PCNX2: variants seen among roughly 807,000 people sequenced by gnomAD.
The protein encoded by PCNX2 is pecanex 2.
A neutral mutation model predicts 223.8 loss-of-function variants in PCNX2; 168 were observed. The observed-to-expected ratio is 0.75, with a 90% CI of 0.66 to 0.85. PCNX2 has a LOEUF of 0.85. Among genes scored for constraint, PCNX2 ranks in the 40% least tolerant of loss-of-function variants. The pLI, the probability that PCNX2 is intolerant of heterozygous loss-of-function variation, is 0.00. For synonymous variants in PCNX2, 1,006 were observed against 1,052.6 expected, an observed-to-expected ratio of 0.96 and a Z score of 0.86; for missense variants, 2,507 against 2,675.5, an observed-to-expected ratio of 0.94 and a Z score of 1.39.
intron 21 of PCNX2, among the ~76,000 whole-genome samples, chr1:233,101,458 GA>G (rs1674481798): frequency 6.6e-6 from 1 of 152,180 alleles, no homozygotes; most frequent in Admixed American, 6.5e-5. Context: ...CTCATTACAA[GA>G]GTGACTCTCA....
At chr1:233,264,535 G>A (rs906745991) in intron 1 of PCNX2, among the ~76,000 whole-genome samples, 3 of 151,914 alleles carry the variant, frequency 2.0e-5, no homozygotes, top group African/African-American at 7.2e-5. Flanking sequence ...AAAGAAAGAG[G>A]AAGATGATCA....
intron 15 of PCNX2, among the ~76,000 whole-genome samples, chr1:233,185,445 T>C (rs1206127149): frequency 6.6e-6 from 1 of 151,994 alleles, no homozygotes; most frequent in Non-Finnish European, 1.5e-5. Context: ...CTGTGAAAAA[T>C]ATGTAGACAT....
the PCNX2 span, among the ~76,000 whole-genome samples, chr1:233,320,880 T>C: frequency 3.5e-4 from 53 of 152,182 alleles, no homozygotes; most frequent in African/African-American, 1.2e-3. Flanking sequence ...GTTGAGCTCA[T>C]ATTAGCAGCT....
At chr1:233,122,867 T>C (rs561909674) in intron 21 of PCNX2, among the ~76,000 whole-genome samples, 3 of 152,290 alleles carry the variant, frequency 2.0e-5, no homozygotes, top group Admixed American at 2.0e-4. Context: ...TTGACCTACA[T>C]GGTCTTCCTC....
Position 233,037,314 on chromosome 1 carries a change from C to G in PCNX2, c.4352-11915G>C, listed in dbSNP as rs369119586. ...TTTCCAGTCCTTCAGCAACACTGGA[C>G]CTGTGTGTCTTTTTTATTTTATTTT... On this transcript the variant is annotated intron_variant, in intron 25 of 33. Coordinates refer to ENST00000258229, the MANE Select transcript of PCNX2 (RefSeq NM_014801.4). Among the ~76,000 whole-genome samples, 4 of 151,998 alleles carry G rather than the reference C, an allele frequency of 2.6e-5. No individual in the cohort carries two copies. In the East Asian group the frequency reaches 7.7e-4, roughly 29 times the overall value.
Position 233,240,907 on chromosome 1 carries a change from G to A in PCNX2, c.2223-3927C>T, listed in dbSNP as rs138480407. On this transcript the variant is annotated intron_variant, in intron 8 of 33. Coordinates refer to ENST00000258229, the MANE Select transcript of PCNX2 (RefSeq NM_014801.4). ...TCTTCTACACTGTCTCACTGATATT[G>A]GAAAAACATTTCTTGAAATTCTTCA... Among the ~76,000 whole-genome samples the A allele has an allele frequency of 2.0e-3, 302 of 152,230 alleles. 1 individual carries two copies. The highest frequency in any genetic ancestry group is 3.2e-3 in the Non-Finnish European group (218 of 68,028).
At chr1:233,093,107 T>A (rs775892217) in intron 22 of PCNX2, among the ~76,000 whole-genome samples, 7 of 152,098 alleles carry the variant, frequency 4.6e-5, no homozygotes, top group Non-Finnish European at 8.8e-5. Flanking sequence ...CCAGAAAACA[T>A]CAATTATTAA....
the PCNX2 span, among the ~76,000 whole-genome samples, chr1:233,301,696 C>T: frequency 6.6e-6 from 1 of 152,050 alleles, no homozygotes; most frequent in Non-Finnish European, 1.5e-5. Context: ...ATAGCTGCTA[C>T]ACTCTTGTAC....
intron 21 of PCNX2, among the ~76,000 whole-genome samples, chr1:233,124,429 C>T (rs1310969877): frequency 1.3e-5 from 2 of 152,100 alleles, no homozygotes; most frequent in Non-Finnish European, 2.9e-5. Flanking sequence ...TAAAAATAAA[C>T]TGAAAATGGA....
chr1:233,208,023 T>G (rs1386620543), intron 13 of PCNX2, among the ~76,000 whole-genome samples: 1 of 152,098 alleles, frequency 6.6e-6, no homozygotes, highest in Non-Finnish European at 1.5e-5. Flanking sequence ...TGGCGTGATC[T>G]TGGCTCACCG....
intron 15 of PCNX2, among the ~76,000 whole-genome samples, chr1:233,186,741 A>G (rs974958806): frequency 6.6e-6 from 1 of 152,228 alleles, no homozygotes; most frequent in African/African-American, 2.4e-5. Flanking sequence ...CATTTTGGTG[A>G]AAAACATGAT....
At chr1:233,058,995 C>A (rs370188980) in intron 23 of PCNX2, among the ~76,000 whole-genome samples, 1 of 152,140 alleles carries the variant, frequency 6.6e-6, no homozygotes, top group East Asian at 1.9e-4. Context: ...CCACCCTTTG[C>A]TTTCTTTGCT....
chr1:233,309,269 C>T, the PCNX2 span, among the ~76,000 whole-genome samples: 3 of 152,242 alleles, frequency 2.0e-5, no homozygotes, highest in South Asian at 4.1e-4. Flanking sequence ...TGGCCGGGCG[C>T]GGTGGCTCAT....
intron 21 of PCNX2, among the ~76,000 whole-genome samples, chr1:233,129,158 C>T (rs551368941): frequency 9.4e-4 from 143 of 152,348 alleles, no homozygotes; most frequent in Non-Finnish European, 1.3e-3. Context: ...CTGTGCGTGG[C>T]GCTTGTGGGC....
chr1:233,218,112 G>A lies in PCNX2; in HGVS notation c.2577C>T (p.Thr859=). 1.3e-6 allele frequency: 2 copies of A among 1,556,954 alleles called. No homozygotes were observed. Among genetic ancestry groups the A allele is most frequent in the Non-Finnish European group, 1.7e-6 (2 of 1,150,478 alleles). Residue 859 remains threonine (T), a synonymous_variant, in exon 11 of 34, where the codon ACC becomes ACT. Coordinates refer to ENST00000258229, the MANE Select transcript of PCNX2 (RefSeq NM_014801.4). ...IVLVSLLGFL[T]LSQGFCKDMW... ...TATCTTTGCAAAAGCCTTGGCTCAA[G>A]GTCAGAAATCCAAGGAGGGAAACCA...
At chr1:233,034,187 G>A (rs1318057002) in intron 25 of PCNX2, among the ~76,000 whole-genome samples, 1 of 152,170 alleles carries the variant, frequency 6.6e-6, no homozygotes, top group African/African-American at 2.4e-5. Context: ...CCTCCAGCCT[G>A]GTGACAGAGC....
At chr1:233,183,653 C>A (rs888375263) in intron 15 of PCNX2, among the ~76,000 whole-genome samples, 2 of 152,174 alleles carry the variant, frequency 1.3e-5, no homozygotes, top group Non-Finnish European at 2.9e-5. Context: ...ATCAAACATT[C>A]ATTCATTCCT....
intron 23 of PCNX2, among the ~76,000 whole-genome samples, chr1:233,060,843 A>G (rs2102885524): frequency 6.6e-6 from 1 of 152,280 alleles, no homozygotes; most frequent in African/African-American, 2.4e-5. Context: ...ACAGAACAAG[A>G]GTCGTATAAC....
chr1:233,180,059 G>C (rs1411263095), intron 15 of PCNX2, among the ~76,000 whole-genome samples: 4 of 152,312 alleles, frequency 2.6e-5, no homozygotes, highest in Middle Eastern at 3.4e-3. Flanking sequence ...TCTCGCCATT[G>C]TTCCATCTGC....
Sources: gnomAD v4.1 joint callset for allele counts (sites outside exome capture counted in the v4.1 genomes callset) on GRCh38, gnomAD v4.1.1 for gene constraint, MANE v1.5 for transcripts, NCBI Gene and HGNC (gene_info 2026-07-23, HGNC 2026-07-21) for gene names.